Variants in GABRA3 observed in about 807,000 individuals in gnomAD.
The protein encoded by GABRA3 is gamma-aminobutyric acid type A receptor subunit alpha3.
A neutral mutation model predicts 30.1 loss-of-function variants in GABRA3; 10 were observed. The observed-to-expected ratio is 0.33, with a 90% CI of 0.20 to 0.56. The LOEUF (loss-of-function observed/expected upper bound fraction) is 0.56. Ranked by LOEUF, GABRA3 falls within the 20% of genes least tolerant of loss-of-function variation. GABRA3 has a pLI of 0.89. For missense variants in GABRA3, 233 were observed against 392.0 expected (o/e 0.59, Z 3.42); for synonymous variants, 151 against 146.8 (o/e 1.03, Z -0.21).
chrX:152,342,134 G>A (rs777306361), intron 3 of GABRA3, among the ~76,000 whole-genome samples: 7 of 112,272 alleles, frequency 6.2e-5, no homozygotes, highest in Non-Finnish European at 1.3e-4. Context: ...GCCTCTCAAA[G>A]TTTTGGGATT....
chrX:152,267,103 T>C (rs1938839587), intron 4 of GABRA3, among the ~76,000 whole-genome samples: 1 of 112,291 alleles, frequency 8.9e-6, no homozygotes, highest in Admixed American at 9.4e-5. Flanking sequence ...AATAACTACA[T>C]TAATTCAATT....
intron 1 of GABRA3, among the ~76,000 whole-genome samples, chrX:152,391,778 G>A (rs1297642024): frequency 8.9e-6 from 1 of 111,836 alleles, no homozygotes; most frequent in African/African-American, 3.2e-5. Flanking sequence ...AGACGACCAT[G>A]CTGAATGGAC....
At chrX:152,178,006 T>C (rs1235318005) in intron 9 of GABRA3, among the ~76,000 whole-genome samples, 1 of 111,348 alleles carries the variant, frequency 9.0e-6, no homozygotes, top group East Asian at 2.8e-4. Context: ...GGCAGTAGAT[T>C]TTTTAGGAAA....
chrX:152,278,764 A>C (rs1312011592), intron 4 of GABRA3, among the ~76,000 whole-genome samples: 1 of 111,863 alleles, frequency 8.9e-6, no homozygotes, highest in Non-Finnish European at 1.9e-5. Flanking sequence ...CATCCTCTCC[A>C]GTACCTGTTG....
intron 5 of GABRA3, among the ~76,000 whole-genome samples, chrX:152,231,205 GTATA>G (rs749562823): frequency 9.5e-6 from 1 of 104,910 alleles, no homozygotes; most frequent in African/African-American, 3.4e-5. Context: ...ACATATATAT[GTATA>G]TATATACATA....
chrX:152,338,841 A>T (rs1940272188), intron 3 of GABRA3, among the ~76,000 whole-genome samples: 1 of 111,598 alleles, frequency 9.0e-6, no homozygotes. Flanking sequence ...AATTGGCTGT[A>T]AACATGTGGA....
chrX:152,283,965 A>G (rs1939243575), intron 4 of GABRA3, among the ~76,000 whole-genome samples: 1 of 111,611 alleles, frequency 9.0e-6, no homozygotes, highest in African/African-American at 3.3e-5. Context: ...ATAATTATTC[A>G]ATTGAATATT....
chrX:152,233,963 G>C lies in GABRA3; in HGVS notation c.552-9118C>G, dbSNP rs1348482947. 5.8e-5 allele frequency among the ~76,000 whole-genome samples: 6 copies of C among 102,743 alleles called. No individual in the cohort carries two copies. In the Admixed American group the frequency reaches 6.5e-4, roughly 11 times the overall value. The allele number at this position is 102,743 out of a possible 115,157, so 89.2% of individuals were successfully genotyped here. A position where few individuals can be genotyped will look rare whatever the true frequency, so the allele number is the denominator to read the frequency against. On this transcript the variant is annotated intron_variant, in intron 5 of 9. Transcript: ENST00000370314. ...TTGCAAGCACAAAAAACCAAACACC[G>C]CATATTCTCACTCATAGGTGGGAAT...
At chrX:152,265,820 A>G (rs1938813397) in intron 4 of GABRA3, among the ~76,000 whole-genome samples, 1 of 111,475 alleles carries the variant, frequency 9.0e-6, no homozygotes, top group African/African-American at 3.3e-5. Flanking sequence ...CTGATAAGGA[A>G]GAAATTCAAA....
At chrX:152,269,739 G>A (rs1938893321) in intron 4 of GABRA3, among the ~76,000 whole-genome samples, 2 of 111,882 alleles carry the variant, frequency 1.8e-5, no homozygotes, top group South Asian at 3.8e-4. Flanking sequence ...CATACAACAG[G>A]GGAAGGAAAG....
chrX:152,357,452 T>C (rs761132593), intron 2 of GABRA3, among the ~76,000 whole-genome samples: 3 of 111,928 alleles, frequency 2.7e-5, no homozygotes, highest in Non-Finnish European at 5.7e-5. Flanking sequence ...TGTTCATGTC[T>C]GTTGCCTATT....
chrX:152,228,171 A>C (rs748633479), intron 5 of GABRA3, among the ~76,000 whole-genome samples: 2 of 111,363 alleles, frequency 1.8e-5, no homozygotes, highest in Non-Finnish European at 3.8e-5. Flanking sequence ...TGCAGAAAAA[A>C]CTTGAAGGGA....
At chrX:152,208,196 T>A in intron 6 of GABRA3, 52 bp from the exon 7 acceptor site, 1 of 1,123,305 alleles carries the variant, frequency 8.9e-7, no homozygotes, top group Non-Finnish European at 1.2e-6. Flanking sequence ...GGAGAATGAT[T>A]ACCCTTGATA....
chrX:152,407,916 A>G (rs757462883), intron 1 of GABRA3, among the ~76,000 whole-genome samples: 8 of 112,007 alleles, frequency 7.1e-5, no homozygotes, highest in Non-Finnish European at 1.5e-4. Context: ...ATGTTTCAAC[A>G]TATGCAAACC....
intron 3 of GABRA3, among the ~76,000 whole-genome samples, chrX:152,303,053 T>A (rs1487015221): frequency 8.9e-6 from 1 of 111,887 alleles, no homozygotes; most frequent in Non-Finnish European, 1.9e-5. Flanking sequence ...GGTGCATGTG[T>A]CTTTTTGGTA....
intron 3 of GABRA3, among the ~76,000 whole-genome samples, chrX:152,295,188 C>T (rs994897896): frequency 1.6e-4 from 18 of 111,929 alleles, no homozygotes; most frequent in East Asian, 5.7e-4. Context: ...GTCCATTCTC[C>T]GAGCTCAAAC....
At chrX:152,394,085 G>A (rs1018154958) in intron 1 of GABRA3, among the ~76,000 whole-genome samples, 1 of 110,964 alleles carries the variant, frequency 9.0e-6, no homozygotes, top group African/African-American at 3.3e-5. Flanking sequence ...TACCTGCCAG[G>A]CAGTATTAAA....
chrX:152,323,177 T>C (rs1243504174), intron 3 of GABRA3, among the ~76,000 whole-genome samples: 1 of 111,774 alleles, frequency 8.9e-6, no homozygotes, highest in Non-Finnish European at 1.9e-5. Context: ...ATTAAAGTCA[T>C]CTTAATGGCT....
At chrX:152,292,461 C>A (rs1009603748) in intron 3 of GABRA3, among the ~76,000 whole-genome samples, 2 of 110,987 alleles carry the variant, frequency 1.8e-5, no homozygotes, top group Non-Finnish European at 3.8e-5. Flanking sequence ...GTCTCGCTAG[C>A]GGTCTATCAA....
Sources: gnomAD v4.1 joint callset for allele counts (sites outside exome capture counted in the v4.1 genomes callset) on GRCh38, gnomAD v4.1.1 for gene constraint, MANE v1.5 for transcripts, NCBI Gene and HGNC (gene_info 2026-07-23, HGNC 2026-07-21) for gene names.